Variants in NR6A1 observed in about 807,000 individuals in gnomAD.
The protein encoded by NR6A1 is nuclear receptor subfamily 6 group A member 1.
NR6A1 carries 7 observed loss-of-function variants against 59.1 expected under a neutral mutation model. That is an observed-to-expected ratio of 0.12 (90% CI 0.07 to 0.22). The LOEUF (loss-of-function observed/expected upper bound fraction) is 0.22, where lower values mean the gene tolerates loss of function less well. Among genes scored for constraint, NR6A1 ranks in the 10% least tolerant of loss-of-function variants. NR6A1 has a pLI of 1.00. For synonymous variants in NR6A1, 243 were observed against 236.1 expected (o/e 1.03, Z -0.27); for missense variants, 468 against 611.6 (o/e 0.77, Z 2.48).
chr9:124,573,839 T>A (rs1343670669), intron 2 of NR6A1, among the ~76,000 whole-genome samples: 1 of 152,158 alleles, frequency 6.6e-6, no homozygotes. Flanking sequence ...CATATGAACA[T>A]ACACATGCAT....
At chr9:124,713,581 G>A (rs1265058111) in intron 2 of NR6A1, among the ~76,000 whole-genome samples, 1 of 152,042 alleles carries the variant, frequency 6.6e-6, no homozygotes, top group Admixed American at 6.5e-5. Flanking sequence ...ATAGGCAAAA[G>A]ACCTCAATAA....
chr9:124,693,802 C>T (rs1193735620), intron 2 of NR6A1: 2 of 533,894 alleles, frequency 3.7e-6, no homozygotes, highest in South Asian at 2.8e-5. Flanking sequence ...CCAAACAACC[C>T]AAAGGAAGCA....
chr9:124,616,327 C>T (rs149139002), intron 2 of NR6A1, among the ~76,000 whole-genome samples: 1,535 of 147,636 alleles, frequency 0.01, 27 homozygotes, highest in African/African-American at 0.037. Flanking sequence ...CGCTTGAACT[C>T]GGGAAGCGGA....
intron 1 of NR6A1, among the ~76,000 whole-genome samples, chr9:124,761,116 G>C (rs367724857): frequency 2.2e-4 from 33 of 152,224 alleles, no homozygotes; most frequent in African/African-American, 8.0e-4. Flanking sequence ...CGTAATTAAA[G>C]CAATTTAACT....
chr9:124,635,255 C>T (rs1163646564), intron 2 of NR6A1, among the ~76,000 whole-genome samples: 3 of 152,132 alleles, frequency 2.0e-5, no homozygotes, highest in African/African-American at 7.2e-5. Context: ...TAGTTGGACT[C>T]ATACAGTGAT....
intron 2 of NR6A1, among the ~76,000 whole-genome samples, chr9:124,669,007 T>A (rs951543053): frequency 3.3e-5 from 5 of 152,150 alleles, no homozygotes; most frequent in Non-Finnish European, 7.4e-5. Context: ...AAATTATACA[T>A]CCCTAACAAA....
chr9:124,540,249 C>T, intron 4 of NR6A1, 62 bp from the exon 5 acceptor site: 1 of 1,512,850 alleles, frequency 6.6e-7, no homozygotes, highest in Non-Finnish European at 9.0e-7. Context: ...TTCTTCAGGA[C>T]TGAGAGCTTA....
chr9:124,559,154 A>G (rs1023846809), intron 2 of NR6A1, among the ~76,000 whole-genome samples: 44 of 152,248 alleles, frequency 2.9e-4, no homozygotes, highest in Middle Eastern at 6.8e-3. Flanking sequence ...TATTATTCCT[A>G]TATTACTGAA....
At chr9:124,545,595 G>C (rs1407636274) in intron 3 of NR6A1, among the ~76,000 whole-genome samples, 1 of 152,076 alleles carries the variant, frequency 6.6e-6, no homozygotes, top group East Asian at 1.9e-4. Context: ...GACAGTCTTT[G>C]GGTATTTCTA....
At chr9:124,612,506 T>G (rs1221246882) in intron 2 of NR6A1, among the ~76,000 whole-genome samples, 2 of 152,118 alleles carry the variant, frequency 1.3e-5, no homozygotes, top group African/African-American at 4.8e-5. Context: ...GGACTTAAAA[T>G]AGCACTGCAC....
intron 2 of NR6A1, among the ~76,000 whole-genome samples, chr9:124,639,814 G>C (rs1836720453): frequency 6.6e-6 from 1 of 152,208 alleles, no homozygotes; most frequent in Non-Finnish European, 1.5e-5. Context: ...TGACCAAGTT[G>C]TTTCAATAGT....
chr9:124,555,111 A>G (rs951805286), intron 2 of NR6A1, among the ~76,000 whole-genome samples: 6 of 152,208 alleles, frequency 3.9e-5, no homozygotes, highest in Non-Finnish European at 5.9e-5. Context: ...CTTACACTCT[A>G]GCAGAGTATC....
intron 2 of NR6A1, among the ~76,000 whole-genome samples, chr9:124,581,500 G>A (rs1588684108): frequency 6.6e-6 from 1 of 152,248 alleles, no homozygotes; most frequent in Non-Finnish European, 1.5e-5. Context: ...GCTGACACAG[G>A]AGAATCACTT....
intron 2 of NR6A1, among the ~76,000 whole-genome samples, chr9:124,644,290 T>TTTTTTTTG (rs1836867842): frequency 1.3e-5 from 2 of 148,806 alleles, no homozygotes; most frequent in African/African-American, 5.0e-5. Flanking sequence ...TTTTTTTTTT[T>TTTTTTTTG]GAGACATGGT....
chr9:124,689,386 A>C (rs1838449808), intron 2 of NR6A1, among the ~76,000 whole-genome samples: 1 of 141,812 alleles, frequency 7.1e-6, no homozygotes, highest in Admixed American at 7.4e-5. Flanking sequence ...TAATACATGA[A>C]ATTTTTTAAC....
chr9:124,756,156 C>T (rs1381050307), intron 1 of NR6A1, among the ~76,000 whole-genome samples: 1 of 152,114 alleles, frequency 6.6e-6, no homozygotes, highest in African/African-American at 2.4e-5. Context: ...AATAGAATAC[C>T]ATTCTTTTGA....
At chr9:124,539,994 A>T in intron 5 of NR6A1, 39 bp downstream of exon 5, 1 of 1,514,732 alleles carries the variant, frequency 6.6e-7, no homozygotes, top group Admixed American at 2.0e-5. Flanking sequence ...TTGGTGGGGG[A>T]TCCCTAGATG....
chr9:124,525,691 C>CTA (rs1200796923), intron 8 of NR6A1, among the ~76,000 whole-genome samples: 1 of 150,196 alleles, frequency 6.7e-6, no homozygotes, highest in African/African-American at 2.5e-5. Flanking sequence ...CTCTCTCTCT[C>CTA]TCTCTCTCTA....
chr9:124,728,279 T>C (rs1464700193), intron 2 of NR6A1, among the ~76,000 whole-genome samples: 2 of 151,926 alleles, frequency 1.3e-5, no homozygotes, highest in Non-Finnish European at 2.9e-5. Flanking sequence ...TCCACCCACC[T>C]TGGCCTCCCA....
Sources: allele counts gnomAD v4.1 joint callset (sites outside exome capture counted in the v4.1 genomes callset), GRCh38; gene constraint gnomAD v4.1.1; transcripts MANE v1.5; gene names NCBI Gene and HGNC (gene_info 2026-07-23, HGNC 2026-07-21).